The following ACOT12 variants were observed in gnomAD, a reference collection of about 807,000 sequenced individuals.
The protein encoded by ACOT12 is acetyl-coenzyme A thioesterase.
A neutral mutation model predicts 67.7 loss-of-function variants in ACOT12; 51 were observed. That is an observed-to-expected ratio of 0.75 (90% CI 0.60 to 0.95). The LOEUF is 0.95. Among genes scored for constraint, ACOT12 ranks in the 40% least tolerant of loss-of-function variants. The pLI, the probability that ACOT12 is intolerant of heterozygous loss-of-function variation, is 0.00. For synonymous variants in ACOT12, 251 were observed against 244.6 expected (o/e 1.03, Z -0.24); for missense variants, 734 against 708.1 (o/e 1.04, Z -0.41).
chr5:81,309,525 G>A, the ACOT12 span, among the ~76,000 whole-genome samples: 1 of 152,150 alleles, frequency 6.6e-6, no homozygotes, highest in Admixed American at 6.5e-5. Context: ...GGTAATTAAG[G>A]TTCACACAGT....
intron 3 of ACOT12, among the ~76,000 whole-genome samples, chr5:81,366,221 C>T (rs1760073022): frequency 6.6e-6 from 1 of 152,190 alleles, no homozygotes; most frequent in Admixed American, 6.5e-5. Context: ...CAAGTAACAA[C>T]ATCTTCCTGC....
intron 13 of ACOT12, 142 bp downstream of exon 13, chr5:81,332,335 A>T: frequency 1.0e-6 from 1 of 955,438 alleles, no homozygotes; most frequent in South Asian, 2.1e-5. Flanking sequence ...AATAATAGCT[A>T]AAGATTCATC....
chr5:81,331,261 G>A (rs1353350934), intron 13 of ACOT12, among the ~76,000 whole-genome samples: 1 of 152,202 alleles, frequency 6.6e-6, no homozygotes, highest in African/African-American at 2.4e-5. Context: ...AAACAGGCCG[G>A]GTGCAGTGGC....
At chr5:81,377,270 C>T (rs2153857422) in intron 2 of ACOT12, among the ~76,000 whole-genome samples, 1 of 152,194 alleles carries the variant, frequency 6.6e-6, no homozygotes, top group African/African-American at 2.4e-5. Context: ...GCAGAAAAGG[C>T]CTTCAACAAA....
At chr5:81,308,853 A>G in the ACOT12 span, 1 of 1,388,020 alleles carries the variant, frequency 7.2e-7, no homozygotes, top group Non-Finnish European at 9.7e-7. Context: ...AGTTATGTAA[A>G]TATATTTTTT....
At chr5:81,331,405 C>CGG (rs1758822869) in intron 13 of ACOT12, among the ~76,000 whole-genome samples, 2 of 152,166 alleles carry the variant, frequency 1.3e-5, no homozygotes, top group South Asian at 4.1e-4. Context: ...ACCATGGTGG[C>CGG]GCATGCCTGT....
At chr5:81,391,369 T>A (rs928983762) in intron 1 of ACOT12, among the ~76,000 whole-genome samples, 2 of 152,236 alleles carry the variant, frequency 1.3e-5, no homozygotes, top group Non-Finnish European at 2.9e-5. Flanking sequence ...CTTTCAGGCT[T>A]CAAGTCATTT....
rs750383961 is a variant in ACOT12, at chr5:81,330,470, G to A, written c.1592C>T (p.Ser531Phe). 1 of 1,614,070 alleles carries A rather than the reference G, an allele frequency of 6.2e-7. No individual in the cohort carries two copies. The highest frequency in any genetic ancestry group is 2.2e-5 in the East Asian group (1 of 44,874). Residue 531 changes from serine (S) to phenylalanine (F), a missense_variant, in exon 15 of 15, where the codon TCC becomes TTC. Transcript: ENST00000307624. ...FAGNLGGWSK[S>F]IEETAASCIQ... ...ACAAGAGGCTGCTGTTTCTTCAATG[G>A]ATTTTGACCAGCCACCAAGATTTCC...
At chr5:81,334,946 G>C (rs962527461) in intron 12 of ACOT12, among the ~76,000 whole-genome samples, 1 of 152,146 alleles carries the variant, frequency 6.6e-6, no homozygotes, top group Non-Finnish European at 1.5e-5. Flanking sequence ...TCATCAGGAG[G>C]GGGAGCAGGA....
chr5:81,391,414 GT>G (rs1457693915), intron 1 of ACOT12, among the ~76,000 whole-genome samples: 1 of 152,122 alleles, frequency 6.6e-6, no homozygotes, highest in East Asian at 1.9e-4. Flanking sequence ...ACACCACTTT[GT>G]TCTTTCATGT....
chr5:81,345,888 G>A lies in ACOT12; in HGVS notation c.770C>T (p.Thr257Ile). The A allele has an allele frequency of 2.5e-6, 4 of 1,613,794 alleles. No individual in the cohort carries two copies. In the African/African-American group the frequency reaches 5.3e-5, roughly 22 times the overall value. ...GCAGCCTAAGGGCTCACTTTACCAG[G>A]TCTGAAATGTATTGTTGACAATGGC... ...FTAIVNNTFQTCVEVGVRVEA... is the reference protein window; with the variant it reads ...FTAIVNNTFQICVEVGVRVEA... Residue 257 changes from threonine to isoleucine, a missense_variant, in exon 7 of 15, where the codon ACC becomes ATC. Coordinates refer to ENST00000307624, the MANE Select transcript of ACOT12 (RefSeq NM_130767.3).
the ACOT12 span, among the ~76,000 whole-genome samples, chr5:81,315,456 T>G: frequency 6.6e-6 from 1 of 152,210 alleles, no homozygotes; most frequent in Non-Finnish European, 1.5e-5. Flanking sequence ...ATTTGTTCCC[T>G]CTCTACCAGA....
chr5:81,320,492 T>G, the ACOT12 span, among the ~76,000 whole-genome samples: 1 of 152,184 alleles, frequency 6.6e-6, no homozygotes. Context: ...ACCTGAGTTT[T>G]CAGTCTTAAT....
the ACOT12 span, among the ~76,000 whole-genome samples, chr5:81,320,071 A>G: frequency 6.6e-6 from 1 of 152,194 alleles, no homozygotes; most frequent in South Asian, 2.1e-4. Context: ...TTCTGGCAGG[A>G]GGGTGAACCT....
At chr5:81,313,496 A>G in the ACOT12 span, among the ~76,000 whole-genome samples, 1 of 152,252 alleles carries the variant, frequency 6.6e-6, no homozygotes, top group Non-Finnish European at 1.5e-5. Flanking sequence ...TCAGAGTAAG[A>G]TGGAAGTATC....
intron 5 of ACOT12, among the ~76,000 whole-genome samples, chr5:81,356,739 C>T (rs1188002751): frequency 6.6e-6 from 1 of 152,006 alleles, no homozygotes; most frequent in Non-Finnish European, 1.5e-5. Context: ...CCCTTCTCCC[C>T]ACAGCCAATC....
At chr5:81,325,923 C>A (rs146876967), downstream of ACOT12, among the ~76,000 whole-genome samples, 312 of 152,134 alleles carry the variant, frequency 2.1e-3, 1 homozygote, top group Non-Finnish European at 3.5e-3. Flanking sequence ...AATCCTCCCA[C>A]CTCAGCCTCC....
chr5:81,336,306 G>A (rs1759001324), intron 11 of ACOT12, among the ~76,000 whole-genome samples: 1 of 152,158 alleles, frequency 6.6e-6, no homozygotes, highest in Non-Finnish European at 1.5e-5. Flanking sequence ...CAGAGTCAAG[G>A]CTATAGCTTA....
At position 81,386,995 on chromosome 5, in the gene ACOT12, A is replaced by ATTTTTTTTT. The variant is rs869281800; in HGVS notation, c.128-1178_128-1170dup. On this transcript the variant is annotated intron_variant, in intron 1 of 14. Transcript: ENST00000307624. ...CCAGACACTGAGTTGGATGAGTTCC[A>ATTTTTTTTT]TTTTTTTTTTTTTTTTTTTTTTTCT... Among the ~76,000 whole-genome samples the ATTTTTTTTT allele has an allele frequency of 4.3e-4, 35 of 81,332 alleles. 1 individual carries two copies. The highest frequency in any genetic ancestry group is 8.8e-4 in the East Asian group (3 of 3,406). 53.4% of individuals were successfully genotyped at this position (81,332 alleles called of 152,430 possible). A position where few individuals can be genotyped will look rare whatever the true frequency, so the allele number is the denominator to read the frequency against.
Sources: allele counts gnomAD v4.1 joint callset (sites outside exome capture counted in the v4.1 genomes callset), GRCh38; gene constraint gnomAD v4.1.1; transcripts MANE v1.5; gene names NCBI Gene and HGNC (gene_info 2026-07-23, HGNC 2026-07-21).